The following GOLM2 variants were observed in gnomAD, a reference collection of about 807,000 sequenced individuals.
GOLM2 encodes the protein protein GOLM2.
GOLM2 carries 26 observed loss-of-function variants against 55.9 expected under a neutral mutation model. The observed-to-expected ratio is 0.47, with a 90% CI of 0.34 to 0.65. GOLM2 has a LOEUF of 0.65. GOLM2 is among the 30% of genes least tolerant of loss of function. The probability of loss-of-function intolerance (pLI) is 0.01; values close to 1 mark genes in which losing one functional copy is unlikely to be tolerated. For synonymous variants in GOLM2, 165 were observed against 194.6 expected (o/e 0.85, Z 1.27); for missense variants, 486 against 531.8 (o/e 0.91, Z 0.85).
rs969402031 is a variant in GOLM2, at chr15:44,288,948, C to T, written c.-82C>T. The T allele has an allele frequency of 6.7e-6, 9 of 1,347,160 alleles. No individual in the cohort carries two copies. In the African/African-American group the frequency reaches 1.3e-4, roughly 20 times the overall value. 83.5% of individuals were successfully genotyped at this position (1,347,160 alleles called of 1,614,324 possible). On this transcript the variant is annotated 5_prime_UTR_variant, in exon 1 of 10. Transcript: ENST00000299957. The stretch of plus-strand genomic sequence containing the variant: ...TCGGCCGGCCCTGGGGCCGTGTCCG[C>T]CGGGCAACTCCAGCCGAGGCCTGGG...
intron 2 of GOLM2, among the ~76,000 whole-genome samples, chr15:44,326,583 A>G (rs1456975679): frequency 1.3e-5 from 2 of 151,128 alleles, no homozygotes; most frequent in East Asian, 3.9e-4. Context: ...TTTTTTTTGC[A>G]TGGATGCAAT....
At chr15:44,291,739 T>C (rs1323661354) in intron 1 of GOLM2, among the ~76,000 whole-genome samples, 1 of 152,224 alleles carries the variant, frequency 6.6e-6, no homozygotes, top group Non-Finnish European at 1.5e-5. Flanking sequence ...AGTCACCTAG[T>C]AAGGGACTCT....
chr15:44,393,529 A>G (rs925211051), intron 8 of GOLM2, among the ~76,000 whole-genome samples: 19 of 152,216 alleles, frequency 1.2e-4, no homozygotes, highest in Non-Finnish European at 2.4e-4. Flanking sequence ...CTGCAAAGGA[A>G]TAAGAATAGC....
intron 1 of GOLM2, among the ~76,000 whole-genome samples, chr15:44,320,591 C>T (rs1372213685): frequency 6.6e-6 from 1 of 152,178 alleles, no homozygotes; most frequent in African/African-American, 2.4e-5. Flanking sequence ...AGGCATAAAC[C>T]ACTGTGTCCG....
rs764740817 is a variant in GOLM2 at position 44,358,879 on chromosome 15, G to A, written c.802+20562G>A. On this transcript the variant is annotated intron_variant, in intron 6 of 9. Transcript: ENST00000299957. ...CATTAAGATTTAGAAACTTCTGGCC[G>A]GGCACGGTGGCTCACGCCTGTAATG... is the stretch of plus-strand genomic sequence containing the variant. Among the ~76,000 whole-genome samples the A allele has an allele frequency of 5.9e-5, 9 of 152,238 alleles. 1 individual carries two copies. In the South Asian group the frequency reaches 6.2e-4, roughly 11 times the overall value.
chr15:44,330,562 G>T (rs955022668), intron 3 of GOLM2, among the ~76,000 whole-genome samples: 5 of 149,538 alleles, frequency 3.3e-5, no homozygotes, highest in Non-Finnish European at 7.4e-5. Context: ...AAATGTCTAT[G>T]CAAAAAAGAT....
intron 9 of GOLM2, among the ~76,000 whole-genome samples, chr15:44,408,268 G>T (rs1247076268): frequency 6.6e-6 from 1 of 152,104 alleles, no homozygotes; most frequent in African/African-American, 2.4e-5. Flanking sequence ...TTGGTTAGGT[G>T]ATTTCATAAT....
chr15:44,311,454 A>G (rs1274822397), intron 1 of GOLM2, among the ~76,000 whole-genome samples: 1 of 152,128 alleles, frequency 6.6e-6, no homozygotes, highest in Non-Finnish European at 1.5e-5. Flanking sequence ...TGATGTCTGA[A>G]AAAGATTGCT....
At chr15:44,331,219 G>T (rs574473399) in intron 3 of GOLM2, among the ~76,000 whole-genome samples, 1 of 152,060 alleles carries the variant, frequency 6.6e-6, no homozygotes, top group Non-Finnish European at 1.5e-5. Flanking sequence ...GTGTCATTGT[G>T]TTGGCCAGAC....
chr15:44,391,424 G>A (rs1047469044), intron 8 of GOLM2, among the ~76,000 whole-genome samples: 13 of 151,920 alleles, frequency 8.6e-5, no homozygotes, highest in African/African-American at 3.1e-4. Flanking sequence ...GGCTGAGGCA[G>A]GAGAATGGCG....
intron 6 of GOLM2, among the ~76,000 whole-genome samples, chr15:44,362,537 A>G (rs1247440266): frequency 5.3e-5 from 8 of 152,038 alleles, no homozygotes; most frequent in Admixed American, 4.6e-4. Flanking sequence ...TCAATGAAAT[A>G]AAAGAGGATA....
intron 6 of GOLM2, among the ~76,000 whole-genome samples, chr15:44,370,998 G>A (rs2079326195): frequency 6.6e-6 from 1 of 152,128 alleles, no homozygotes; most frequent in Admixed American, 6.6e-5. Context: ...CCCTATAGGA[G>A]GAGCTGTCTG....
chr15:44,411,169 A>G (rs1407947193), intron 9 of GOLM2, among the ~76,000 whole-genome samples: 1 of 151,732 alleles, frequency 6.6e-6, no homozygotes, highest in South Asian at 2.1e-4. Context: ...CTACAGGTAC[A>G]CACAACCATG....
intron 1 of GOLM2, chr15:44,308,595 T>C (rs2078853964): frequency 6.6e-6 from 1 of 152,150 alleles, no homozygotes; most frequent in Non-Finnish European, 1.5e-5. Flanking sequence ...TGCTGGGCCA[T>C]ATTCTATATT....
intron 8 of GOLM2, among the ~76,000 whole-genome samples, chr15:44,398,125 A>G (rs1293003253): frequency 6.6e-6 from 1 of 152,216 alleles, no homozygotes; most frequent in South Asian, 2.1e-4. Flanking sequence ...TGCCTCCTAC[A>G]TAATGTTCAA....
At chr15:44,386,650 C>T (rs868385432) in intron 8 of GOLM2, among the ~76,000 whole-genome samples, 3 of 152,136 alleles carry the variant, frequency 2.0e-5, no homozygotes, top group African/African-American at 7.2e-5. Context: ...GCAGGAGGAT[C>T]ACATGAGGCC....
intron 8 of GOLM2, among the ~76,000 whole-genome samples, chr15:44,381,611 T>A (rs1340172004): frequency 6.6e-6 from 1 of 152,198 alleles, no homozygotes; most frequent in Non-Finnish European, 1.5e-5. Context: ...CTTCAGTTTG[T>A]CTTTGGTTTA....
intron 9 of GOLM2, among the ~76,000 whole-genome samples, chr15:44,405,166 C>T (rs1416183228): frequency 6.6e-6 from 1 of 152,168 alleles, no homozygotes; most frequent in Non-Finnish European, 1.5e-5. Context: ...CCTTCTACTT[C>T]AAGTCCCCAA....
At chr15:44,378,149 C>T (rs749627623) in intron 6 of GOLM2, among the ~76,000 whole-genome samples, 27 of 151,188 alleles carry the variant, frequency 1.8e-4, no homozygotes, top group African/African-American at 5.1e-4. Flanking sequence ...CCCGGGTTCA[C>T]GCCATTCTCC....
Sources: allele counts gnomAD v4.1 joint callset (sites outside exome capture counted in the v4.1 genomes callset), GRCh38; gene constraint gnomAD v4.1.1; transcripts MANE v1.5; gene names NCBI Gene and HGNC (gene_info 2026-07-23, HGNC 2026-07-21).